KIZ: variants seen among roughly 807,000 people sequenced by gnomAD.
KIZ encodes kizuna centrosomal protein.
A neutral mutation model predicts 79.6 loss-of-function variants in KIZ; 68 were observed. The observed-to-expected ratio is 0.85, with a 90% CI of 0.70 to 1.05. The LOEUF (loss-of-function observed/expected upper bound fraction) is 1.05, where lower values mean the gene tolerates loss of function less well. Ranked by LOEUF, KIZ falls within the 50% of genes least tolerant of loss-of-function variation. The probability of loss-of-function intolerance (pLI) is 0.00; values close to 1 mark genes in which losing one functional copy is unlikely to be tolerated. For synonymous variants in KIZ, 280 were observed against 281.8 expected (o/e 0.99, Z 0.06); for missense variants, 797 against 800.4 (o/e 1.00, Z 0.05).
intron 6 of KIZ, among the ~76,000 whole-genome samples, chr20:21,176,788 G>A (rs1208988526): frequency 2.6e-5 from 4 of 152,168 alleles, no homozygotes; most frequent in African/African-American, 7.2e-5. Context: ...GAATAAAAAA[G>A]TAATGCTAGA....
chr20:21,131,902 T>G (rs1311983607), intron 1 of KIZ, 195 bp from the exon 2 acceptor site: 5 of 435,760 alleles, frequency 1.1e-5, no homozygotes, highest in East Asian at 4.0e-5. Context: ...GTGCCTTTTG[T>G]TTTAGATGCG....
chr20:21,144,158 C>T (rs1426784095), intron 3 of KIZ: 1 of 152,100 alleles, frequency 6.6e-6, no homozygotes, highest in East Asian at 1.9e-4. Flanking sequence ...ATAAAACTCT[C>T]ATATTTCTAT....
chr20:21,130,256 A>G (rs1222197626), intron 1 of KIZ, among the ~76,000 whole-genome samples: 1 of 152,188 alleles, frequency 6.6e-6, no homozygotes, highest in African/African-American at 2.4e-5. Context: ...CTTTCATTCT[A>G]GAGGGTGACC....
intron 12 of KIZ, 113 bp from the exon 13 acceptor site, chr20:21,246,366 A>G (rs1254840700): frequency 4.3e-6 from 3 of 692,718 alleles, no homozygotes; most frequent in African/African-American, 3.6e-5. Context: ...TGTCCCTGTT[A>G]TGCATTTTGC....
chr20:21,232,333 A>G (rs1241450252), intron 10 of KIZ, among the ~76,000 whole-genome samples: 1 of 152,174 alleles, frequency 6.6e-6, no homozygotes, highest in Non-Finnish European at 1.5e-5. Context: ...AAGAGTGGAT[A>G]AGGTGGGTGA....
intron 7 of KIZ, among the ~76,000 whole-genome samples, chr20:21,206,021 G>A (rs145719629): frequency 1.4e-3 from 206 of 152,088 alleles, no homozygotes; most frequent in African/African-American, 4.8e-3. Flanking sequence ...AAAAAATAAC[G>A]ATAAGAAAAG....
In KIZ at chr20:21,136,371, A is replaced by C. The variant is rs2122371243; in HGVS notation, c.153-19A>C. On this transcript the variant is annotated intron_variant, in intron 2 of 12. Transcript: ENST00000619189. ...TCCAAGTCTAGTCCATTGTTTTAAA[A>C]CTGCTTTTAATTTTCTAGAGTTAAG... 1 of 1,406,296 alleles carries C rather than the reference A, an allele frequency of 7.1e-7. No individual in the cohort carries two copies. Among genetic ancestry groups the C allele is most frequent in the East Asian group, 2.4e-5 (1 of 41,084 alleles). 87.1% of individuals were successfully genotyped at this position (1,406,296 alleles called of 1,614,324 possible).
rs535131442 is a variant in KIZ, at chr20:21,237,900, G to A, written c.1880+5070G>A. Among the ~76,000 whole-genome samples, 15 of 152,258 alleles carry A rather than the reference G, an allele frequency of 9.9e-5. No individual in the cohort carries two copies. In the South Asian group the frequency reaches 2.3e-3, roughly 23 times the overall value. ...GCTGGAGTACAGTGACACGATCTCC[G>A]CTCACTGCAACCTTTGCCTCCCAGG... On this transcript the variant is annotated intron_variant, in intron 11 of 12. Transcript: ENST00000619189.
chr20:21,147,723 T>G (rs2032918312), intron 4 of KIZ, among the ~76,000 whole-genome samples: 1 of 152,180 alleles, frequency 6.6e-6, no homozygotes, highest in Non-Finnish European at 1.5e-5. Flanking sequence ...AGGCACAGAA[T>G]AGTGTGTGAT....
At position 21,162,462 on chromosome 20, in the gene KIZ, A is replaced by G. The variant is rs183136126; in HGVS notation, c.997A>G (p.Asn333Asp). 6.2e-7 allele frequency: 1 copy of G among 1,613,632 alleles called. No individual in the cohort carries two copies. The highest frequency in any genetic ancestry group is 1.7e-5 in the Admixed American group (1 of 59,968). Reference sequence around the variant, plus strand: ...AGTTTCAGAATACTGTGAATCTGAAAATAAGTGGTCTCAAGAGAAGCATTC... The same window carrying G: ...AGTTTCAGAATACTGTGAATCTGAAGATAAGTGGTCTCAAGAGAAGCATTC... The part of the protein sequence containing the change: ...IPVSEYCESE[N>D]KWSQEKHSPW... The change falls in exon 5 of 13, where the codon AAT becomes GAT. Residue 333 changes from asparagine to aspartate, a missense_variant. Coordinates refer to ENST00000619189, the MANE Select transcript of KIZ (RefSeq NM_018474.6).
chr20:21,132,839 G>A (rs1162225088), intron 2 of KIZ: 1 of 152,162 alleles, frequency 6.6e-6, no homozygotes, highest in Admixed American at 6.5e-5. Context: ...TACTGTAGTT[G>A]ATCTTTCAAG....
intron 9 of KIZ, among the ~76,000 whole-genome samples, chr20:21,225,000 C>A (rs1040604317): frequency 1.3e-5 from 2 of 151,792 alleles, no homozygotes; most frequent in South Asian, 2.1e-4. Context: ...GAAAAAAAAA[C>A]AGTCTCAGCA....
Position 21,214,556 on chromosome 20 carries a change from G to T in KIZ, c.1468G>T (p.Ala490Ser), listed in dbSNP as rs759661534. 12 of 1,613,286 alleles carry T rather than the reference G, an allele frequency of 7.4e-6. No individual in the cohort carries two copies. In the East Asian group the frequency reaches 2.7e-4, roughly 36 times the overall value. ...GTAGGCAACAGCATTATTGAGAAAA[G>T]CCCTTACAGAAGAGTGTGGCCGTAG... ...KEEATALLRKALTEECGRRSA... is the reference protein window; with the variant it reads ...KEEATALLRKSLTEECGRRSA... The change falls in exon 8 of 13, where the codon GCC (alanine) becomes TCC (serine). Residue 490 changes from alanine to serine, a missense_variant. Transcript: ENST00000619189.
intron 6 of KIZ, among the ~76,000 whole-genome samples, chr20:21,186,382 A>G (rs2034876030): frequency 1.3e-5 from 2 of 151,962 alleles, no homozygotes; most frequent in African/African-American, 4.8e-5. Context: ...CATGACTGGC[A>G]TCTGTAATCA....
At chr20:21,166,517 A>G (rs2033946893) in intron 6 of KIZ, 3 of 1,548,544 alleles carry the variant, frequency 1.9e-6, no homozygotes, top group African/African-American at 2.7e-5. Context: ...GCACGGCCTA[A>G]TAAGCACCTG....
At chr20:21,204,211 G>A (rs1024414349) in intron 6 of KIZ, among the ~76,000 whole-genome samples, 4 of 137,872 alleles carry the variant, frequency 2.9e-5, no homozygotes, top group African/African-American at 1.1e-4. Flanking sequence ...CGCCTCCCAG[G>A]TTCACGCCAT....
chr20:21,234,331 C>G (rs2036928416), intron 11 of KIZ, among the ~76,000 whole-genome samples: 1 of 151,062 alleles, frequency 6.6e-6, no homozygotes, highest in Admixed American at 6.6e-5. Context: ...CAAGTAATCT[C>G]ATCATCCCCT....
chr20:21,149,575 G>A (rs910581384), intron 4 of KIZ, among the ~76,000 whole-genome samples: 7 of 152,222 alleles, frequency 4.6e-5, no homozygotes, highest in Non-Finnish European at 1.0e-4. Flanking sequence ...CTTTAGCCAC[G>A]GATCTGAGCA....
chr20:21,165,091 A>G (rs1032461270), intron 6 of KIZ, among the ~76,000 whole-genome samples: 1 of 152,198 alleles, frequency 6.6e-6, no homozygotes, highest in African/African-American at 2.4e-5. Context: ...CATCATATTT[A>G]TAGAGCTAGC....
Sources: allele counts gnomAD v4.1 joint callset (sites outside exome capture counted in the v4.1 genomes callset), GRCh38; gene constraint gnomAD v4.1.1; transcripts MANE v1.5; gene names NCBI Gene and HGNC (gene_info 2026-07-23, HGNC 2026-07-21).